Variants in NIPAL3 observed in about 807,000 individuals in gnomAD.
The protein encoded by NIPAL3 is NIPA-like protein 3.
Under a neutral mutation model 47.2 loss-of-function variants are expected in NIPAL3, and 41 were observed. The observed-to-expected ratio is 0.87, with a 90% CI of 0.68 to 1.13. The LOEUF (loss-of-function observed/expected upper bound fraction) is 1.13. Among genes scored for constraint, NIPAL3 ranks in the 50% most tolerant of loss-of-function variants. The pLI, the probability that NIPAL3 is intolerant of heterozygous loss-of-function variation, is 0.00. For missense variants in NIPAL3, 449 were observed against 530.1 expected (o/e 0.85, Z 1.50); for synonymous variants, 194 against 209.6 (o/e 0.93, Z 0.64).
Position 24,469,423 on chromosome 1 carries a change from G to T in NIPAL3, c.*238G>T. 2.1e-6 allele frequency: 1 copy of T among 478,800 alleles called. No homozygotes were observed. The highest frequency in any genetic ancestry group is 3.7e-6 in the Non-Finnish European group (1 of 268,002). The allele number at this position is 478,800 out of a possible 1,614,324, so 29.7% of individuals were successfully genotyped here. A position where few individuals can be genotyped will look rare whatever the true frequency, so the allele number is the denominator to read the frequency against. On this transcript the variant is annotated 3_prime_UTR_variant, in exon 12 of 12. Transcript: ENST00000374399. ...GTGGACGGGATAGAATCCAGCCTCT[G>T]CCTGGATTAGCCCAGGGGGATTTGG...
intron 2 of NIPAL3, among the ~76,000 whole-genome samples, chr1:24,434,536 G>A (rs1645015342): frequency 1.3e-5 from 2 of 152,120 alleles, no homozygotes; most frequent in South Asian, 2.1e-4. Context: ...AGAACAATTA[G>A]AAGATCAGCA....
rs994531433 is a variant in NIPAL3, at chr1:24,427,435, A to G, written c.93+7795A>G. ...TGAAATGCTTAGGTGGAGTTATATTATGCTATTGCTAATCATGTCTGTCTG... is the reference window on the plus strand; with the variant it reads ...TGAAATGCTTAGGTGGAGTTATATTGTGCTATTGCTAATCATGTCTGTCTG... On this transcript the variant is annotated intron_variant, in intron 2 of 11. Transcript: ENST00000374399. Among the ~76,000 whole-genome samples, 21 of 152,222 alleles carry G rather than the reference A, an allele frequency of 1.4e-4. 1 individual carries two copies.
intron 11 of NIPAL3, among the ~76,000 whole-genome samples, chr1:24,466,619 C>T (rs1327670535): frequency 6.6e-6 from 1 of 152,232 alleles, no homozygotes; most frequent in African/African-American, 2.4e-5. Flanking sequence ...ACAATAACTC[C>T]TTTCTAACCC....
At chr1:24,460,882 T>C (rs1470178037) in intron 10 of NIPAL3, among the ~76,000 whole-genome samples, 1 of 152,180 alleles carries the variant, frequency 6.6e-6, no homozygotes, top group African/African-American at 2.4e-5. Flanking sequence ...TATTCCACAT[T>C]GGCAAGAAGA....
intron 9 of NIPAL3, among the ~76,000 whole-genome samples, chr1:24,459,417 A>G (rs1427443771): frequency 6.6e-6 from 1 of 152,238 alleles, no homozygotes; most frequent in African/African-American, 2.4e-5. Context: ...ATAAGTGATC[A>G]TTAGCATTAC....
intron 4 of NIPAL3, among the ~76,000 whole-genome samples, chr1:24,444,330 A>G (rs1328303889): frequency 2.6e-5 from 4 of 152,104 alleles, no homozygotes; most frequent in African/African-American, 4.8e-5. Flanking sequence ...ACAAAGGAGA[A>G]GAAAAAGAAG....
At chr1:24,427,252 C>A (rs1177979951) in intron 2 of NIPAL3, among the ~76,000 whole-genome samples, 1 of 152,158 alleles carries the variant, frequency 6.6e-6, no homozygotes, top group Non-Finnish European at 1.5e-5. Flanking sequence ...CCCCATTGCC[C>A]TATGCCAGGC....
intron 2 of NIPAL3, among the ~76,000 whole-genome samples, chr1:24,428,624 TC>T (rs1644740107): frequency 1.3e-5 from 2 of 152,318 alleles, no homozygotes; most frequent in Non-Finnish European, 2.9e-5. Context: ...TGACAGTTTC[TC>T]CTGTGTCTTT....
upstream of NIPAL3, chr1:24,414,636 G>A (rs1169007913): frequency 2.0e-4 from 28 of 140,654 alleles, no homozygotes; most frequent in Admixed American, 2.2e-3. Flanking sequence ...CCGAGTTCAA[G>A]CGATCCTCCC....
At chr1:24,423,643 A>C (rs367773526) in intron 2 of NIPAL3, among the ~76,000 whole-genome samples, 7 of 152,282 alleles carry the variant, frequency 4.6e-5, no homozygotes, top group South Asian at 2.1e-4. Flanking sequence ...CACACACACA[A>C]AAAAGGCATA....
Position 24,469,031 on chromosome 1 carries a change from T to C in NIPAL3, c.1067T>C (p.Leu356Pro), listed in dbSNP as rs781404425. The C allele has an allele frequency of 5.0e-6, 8 of 1,614,194 alleles. No homozygotes were observed. Among genetic ancestry groups the C allele is most frequent in the East Asian group, 2.2e-5 (1 of 44,882 alleles). ...AAAGGGATGACTGTCCAGCCTGAACTTAAAGCTTCTTTTTCCTATGGGGCT... is the reference window on the plus strand; with the variant it reads ...AAAGGGATGACTGTCCAGCCTGAACCTAAAGCTTCTTTTTCCTATGGGGCT... The part of the protein sequence containing the change: ...HDKGMTVQPE[L>P]KASFSYGALE... Residue 356 changes from leucine (L) to proline (P), a missense_variant, in exon 12 of 12, where the codon CTT (leucine) becomes CCT (proline). By Grantham distance (98) the Leu-to-Pro change is moderately conservative. Coordinates refer to ENST00000374399, the MANE Select transcript of NIPAL3 (RefSeq NM_020448.5).
At chr1:24,442,775 A>AC (rs1645455905) in intron 4 of NIPAL3, among the ~76,000 whole-genome samples, 1 of 152,030 alleles carries the variant, frequency 6.6e-6, no homozygotes. Flanking sequence ...ACATGGAGAG[A>AC]CCCCATCTCT....
At position 24,416,366 on chromosome 1, in the gene NIPAL3, C is replaced by G; in HGVS notation, c.-258+462C>G. ...CTTCTCGTGAGCCAAAGCCGAGGAA[C>G]GGGAAGCTTGGCAGGGAACTGGCGC... is the stretch of plus-strand genomic sequence containing the variant. On this transcript the variant is annotated intron_variant, in intron 1 of 11. Transcript: ENST00000374399. This position sits in a 1 kb window ranked among gnomAD's most constrained non-coding sequence, Gnocchi z 4.8. 2.0e-6 allele frequency: 2 copies of G among 982,136 alleles called. No individual in the cohort carries two copies. Among genetic ancestry groups the G allele is most frequent in the Non-Finnish European group, 2.4e-6 (2 of 826,964 alleles). 60.8% of individuals were successfully genotyped at this position (982,136 alleles called of 1,614,324 possible). A position where few individuals can be genotyped will look rare whatever the true frequency, so the allele number is the denominator to read the frequency against.
At chr1:24,467,173 T>A (rs993795850) in intron 11 of NIPAL3, among the ~76,000 whole-genome samples, 1 of 152,142 alleles carries the variant, frequency 6.6e-6, no homozygotes, top group African/African-American at 2.4e-5. Context: ...GTTAAGAGTA[T>A]GGACTTCCGG....
intron 2 of NIPAL3, among the ~76,000 whole-genome samples, chr1:24,421,353 A>G (rs188556396): frequency 4.0e-5 from 6 of 151,812 alleles, no homozygotes; most frequent in Admixed American, 3.3e-4. Context: ...CCCCACCTCA[A>G]AAAAAAAGAA....
At position 24,449,392 on chromosome 1, in the gene NIPAL3, G is replaced by A. The variant is rs57970868; in HGVS notation, c.395-89G>A. On this transcript the variant is annotated intron_variant, in intron 5 of 11. Transcript: ENST00000374399. The surrounding 1 kb of genome is among the most constrained non-coding windows in gnomAD (Gnocchi z 4.5). Reference sequence around the variant, plus strand: ...AATACCAGGTCATGGTATGTTGCAGGAGAAGCCTGTTTTTTCATGGCTGAG... The same window carrying A: ...AATACCAGGTCATGGTATGTTGCAGAAGAAGCCTGTTTTTTCATGGCTGAG... 1,931 of 1,417,666 alleles carry A rather than the reference G, an allele frequency of 1.4e-3. 21 individuals are homozygous for A. In the African/African-American group the frequency reaches 0.023, roughly 17 times the overall value. 87.8% of individuals were successfully genotyped at this position (1,417,666 alleles called of 1,614,324 possible). A position where few individuals can be genotyped will look rare whatever the true frequency, so the allele number is the denominator to read the frequency against.
chr1:24,472,861 C>T lies in NIPAL3; in HGVS notation c.*3676C>T, dbSNP rs1201113246. 6.6e-6 allele frequency: 1 copy of T among 151,354 alleles called. No individual in the cohort carries two copies. Among genetic ancestry groups the T allele is most frequent in the Non-Finnish European group, 1.5e-5 (1 of 67,924 alleles). 9.4% of individuals were successfully genotyped at this position (151,354 alleles called of 1,614,324 possible). A position where few individuals can be genotyped will look rare whatever the true frequency, so the allele number is the denominator to read the frequency against. ...AAGTCACCTTAGAATATATTCTGTGCGGATGCTTATATTTTGTTAACTTCA... is the reference window on the plus strand; with the variant it reads ...AAGTCACCTTAGAATATATTCTGTGTGGATGCTTATATTTTGTTAACTTCA... On this transcript the variant is annotated 3_prime_UTR_variant, in exon 12 of 12. Transcript: ENST00000374399.
At position 24,454,171 on chromosome 1, in the gene NIPAL3, C is replaced by A; in HGVS notation, c.637+667C>A. The A allele has an allele frequency of 1.3e-5, 16 of 1,232,642 alleles. No individual in the cohort carries two copies. The highest frequency in any genetic ancestry group is 1.6e-5 in the Non-Finnish European group (15 of 967,576). 76.4% of individuals were successfully genotyped at this position (1,232,642 alleles called of 1,614,324 possible). A position where few individuals can be genotyped will look rare whatever the true frequency, so the allele number is the denominator to read the frequency against. ...CCTCCCAAAGTGCCAGGATTACAGGCATGAGGCCCTGTACCTGGCTAGAAC... is the reference window on the plus strand; with the variant it reads ...CCTCCCAAAGTGCCAGGATTACAGGAATGAGGCCCTGTACCTGGCTAGAAC... On this transcript the variant is annotated intron_variant, in intron 7 of 11. Coordinates refer to ENST00000374399, the MANE Select transcript of NIPAL3 (RefSeq NM_020448.5). This position sits in a 1 kb window ranked among gnomAD's most constrained non-coding sequence, Gnocchi z 4.1.
chr1:24,456,883 C>T (rs891388013), intron 8 of NIPAL3, among the ~76,000 whole-genome samples: 20 of 152,164 alleles, frequency 1.3e-4, no homozygotes, highest in African/African-American at 4.3e-4. Context: ...CTGCCTCAGC[C>T]TCCCAAGTAG....
Sources: allele counts gnomAD v4.1 joint callset (sites outside exome capture counted in the v4.1 genomes callset), GRCh38; gene constraint gnomAD v4.1.1; non-coding constraint Gnocchi (gnomAD v3.1); transcripts MANE v1.5; gene names NCBI Gene and HGNC (gene_info 2026-07-23, HGNC 2026-07-21).